IL1RAPL1: variants seen among roughly 807,000 people sequenced by gnomAD.
IL1RAPL1 encodes the protein interleukin 1 receptor accessory protein like 1.
A neutral mutation model predicts 48.4 loss-of-function variants in IL1RAPL1; 3 were observed. The ratio of observed to expected loss-of-function variants is 0.06; its 90% CI spans 0.03 to 0.16. The LOEUF is 0.16. Ranked by LOEUF, IL1RAPL1 falls within the 10% of genes least tolerant of loss-of-function variation. The pLI is 1.00. For synonymous variants in IL1RAPL1, 185 were observed against 187.7 expected, an observed-to-expected ratio of 0.99 and a Z score of 0.12; for missense variants, 349 against 530.6, an observed-to-expected ratio of 0.66 and a Z score of 3.36.
intron 6 of IL1RAPL1, among the ~76,000 whole-genome samples, chrX:29,750,259 T>C (rs1322911658): frequency 1.8e-5 from 2 of 112,289 alleles, no homozygotes; most frequent in Admixed American, 9.5e-5. Context: ...ATGCTTCGTA[T>C]TTGTATCCTC....
intron 3 of IL1RAPL1, among the ~76,000 whole-genome samples, chrX:29,340,265 A>G (rs949235934): frequency 1.8e-5 from 2 of 111,298 alleles, no homozygotes; most frequent in Non-Finnish European, 3.8e-5. Context: ...TACCATCTCT[A>G]TCTAGTTCCA....
At chrX:29,190,838 A>C (rs1930338974) in intron 2 of IL1RAPL1, among the ~76,000 whole-genome samples, 1 of 112,318 alleles carries the variant, frequency 8.9e-6, no homozygotes, top group South Asian at 3.6e-4. Context: ...ACCTTTATAA[A>C]CTTAATAAAA....
intron 1 of IL1RAPL1, among the ~76,000 whole-genome samples, chrX:28,620,940 C>T (rs1934278076): frequency 9.0e-6 from 1 of 111,677 alleles, no homozygotes; most frequent in Non-Finnish European, 1.9e-5. Context: ...CTTTAATCCA[C>T]TTTCTGCTTT....
intron 2 of IL1RAPL1, among the ~76,000 whole-genome samples, chrX:29,272,180 G>T (rs180716478): frequency 3.0e-3 from 340 of 111,583 alleles, no homozygotes; most frequent in African/African-American, 0.011. Context: ...CCATTGCTTG[G>T]TTTTGTCAAC....
intron 2 of IL1RAPL1, among the ~76,000 whole-genome samples, chrX:29,281,791 A>G (rs1602149902): frequency 8.9e-6 from 1 of 112,435 alleles, no homozygotes; most frequent in Non-Finnish European, 1.9e-5. Context: ...TGGCTAGCAT[A>G]AAAGAAAGAT....
intron 5 of IL1RAPL1, among the ~76,000 whole-genome samples, chrX:29,584,924 C>T (rs1041602727): frequency 8.9e-6 from 1 of 112,118 alleles, no homozygotes; most frequent in Middle Eastern, 4.2e-3. Flanking sequence ...ACATTTTATC[C>T]TCTTAGCTTC....
chrX:28,747,864 A>G (rs1245174863), intron 1 of IL1RAPL1, among the ~76,000 whole-genome samples: 3 of 111,710 alleles, frequency 2.7e-5, no homozygotes, highest in Non-Finnish European at 5.6e-5. Context: ...AACATTGTCT[A>G]CCATTATCAT....
At chrX:29,900,927 T>C (rs957866929) in intron 6 of IL1RAPL1, among the ~76,000 whole-genome samples, 1 of 111,889 alleles carries the variant, frequency 8.9e-6, no homozygotes, top group East Asian at 2.8e-4. Flanking sequence ...TTTGATCAAA[T>C]TGAAGTATAT....
intron 5 of IL1RAPL1, among the ~76,000 whole-genome samples, chrX:29,614,015 G>A (rs1422103769): frequency 1.8e-5 from 2 of 109,611 alleles, no homozygotes; most frequent in South Asian, 3.9e-4. Flanking sequence ...TGCCCACCTC[G>A]GCCTCCCAAA....
intron 6 of IL1RAPL1, among the ~76,000 whole-genome samples, chrX:29,859,579 A>C (rs930887757): frequency 3.6e-5 from 4 of 112,186 alleles, no homozygotes; most frequent in African/African-American, 1.3e-4. Context: ...ATTTTCATAC[A>C]CCTTTGTATG....
At chrX:29,043,866 T>A (rs66532378) in intron 2 of IL1RAPL1, among the ~76,000 whole-genome samples, 5,836 of 111,677 alleles carry the variant, frequency 0.052, 149 homozygotes, top group Middle Eastern at 0.087. Flanking sequence ...ACAGGGTTAG[T>A]GGAGGAAACA....
chrX:29,585,085 T>TAA (rs778868825), intron 5 of IL1RAPL1, among the ~76,000 whole-genome samples: 275 of 112,221 alleles, frequency 2.5e-3, no homozygotes, highest in African/African-American at 8.6e-3. Context: ...TCTGCCCTCT[T>TAA]AAAAACTTTT....
intron 2 of IL1RAPL1, among the ~76,000 whole-genome samples, chrX:29,105,049 G>C (rs948900234): frequency 1.8e-5 from 2 of 111,674 alleles, no homozygotes; most frequent in African/African-American, 6.5e-5. Context: ...AAAGATTTCT[G>C]CTTCCATCAT....
At chrX:29,209,290 A>AT (rs1428164450) in intron 2 of IL1RAPL1, among the ~76,000 whole-genome samples, 1 of 111,882 alleles carries the variant, frequency 8.9e-6, no homozygotes. Context: ...TTAAGTATAA[A>AT]TTTTTTTATT....
At chrX:29,665,845 A>T (rs2147098915) in intron 5 of IL1RAPL1, among the ~76,000 whole-genome samples, 1 of 112,164 alleles carries the variant, frequency 8.9e-6, no homozygotes, top group African/African-American at 3.2e-5. Context: ...GCCGTAGGTT[A>T]TGATTATTTA....
chrX:29,842,674 T>C (rs762853225), intron 6 of IL1RAPL1, among the ~76,000 whole-genome samples: 1 of 112,551 alleles, frequency 8.9e-6, no homozygotes, highest in South Asian at 3.7e-4. Context: ...TAGTTCAGTG[T>C]TTTGTTGTCA....
At chrX:29,620,166 C>T (rs780236391) in intron 5 of IL1RAPL1, among the ~76,000 whole-genome samples, 1 of 111,509 alleles carries the variant, frequency 9.0e-6, no homozygotes, top group South Asian at 3.7e-4. Context: ...TTTCTCGTGG[C>T]GTTTTCAGAG....
intron 2 of IL1RAPL1, among the ~76,000 whole-genome samples, chrX:28,807,433 G>A (rs1009723389): frequency 4.5e-5 from 5 of 111,824 alleles, no homozygotes; most frequent in African/African-American, 1.6e-4. Context: ...CCACCTGAGT[G>A]ATTACGTTGT....
Position 28,778,857 on chromosome X carries a change from A to G in IL1RAPL1, c.-24-10463A>G, listed in dbSNP as rs183710511. 4.3e-3 allele frequency among the ~76,000 whole-genome samples: 482 copies of G among 112,003 alleles called. 1 individual carries two copies. The highest frequency in any genetic ancestry group is 5.7e-3 in the Non-Finnish European group (302 of 53,101). The stretch of plus-strand genomic sequence containing the variant: ...TAGCCCTGTTAATATTCTGTGGCTT[A>G]TAAAAATAAAAGGTAACATGGATCT... On this transcript the variant is annotated intron_variant, in intron 1 of 10. Coordinates refer to ENST00000378993, the MANE Select transcript of IL1RAPL1 (RefSeq NM_014271.4).
Sources: allele counts gnomAD v4.1 joint callset (sites outside exome capture counted in the v4.1 genomes callset), GRCh38; gene constraint gnomAD v4.1.1; transcripts MANE v1.5; gene names NCBI Gene and HGNC (gene_info 2026-07-23, HGNC 2026-07-21).